CARD6: variants seen among roughly 807,000 people sequenced by gnomAD.
CARD6 encodes the protein caspase recruitment domain family member 6, also known as caspase recruitment domain-containing protein 6.
A neutral mutation model predicts 23.6 loss-of-function variants in CARD6; 27 were observed. The ratio of observed to expected loss-of-function variants is 1.14; its 90% confidence interval spans 0.84 to 1.58. CARD6 has a LOEUF of 1.58. Among genes scored for constraint, CARD6 ranks in the 40% most tolerant of loss-of-function variants. The pLI is 0.00. For missense variants in CARD6, 1,214 were observed against 1,209.9 expected, an observed-to-expected ratio of 1.00 and a Z score of -0.05; for synonymous variants, 397 against 431.8, an observed-to-expected ratio of 0.92 and a Z score of 1.00.
Position 40,854,293 on chromosome 5 carries a change from CA to C in CARD6, c.2964del (p.Lys988AsnfsTer96). 6.2e-7 allele frequency: 1 copy of C among 1,614,150 alleles called. No homozygotes were observed. On this transcript the variant is annotated frameshift_variant, in exon 3 of 3. Coordinates refer to ENST00000254691, the MANE Select transcript of CARD6 (RefSeq NM_032587.4). LOFTEE classifies it low-confidence loss of function (END_TRUNC). The part of the protein sequence containing the change: ...QPSQTKPSPC[K>X]STQPKPSQPW... ...CCTCCCAAACTAAACCTTCTCCATG[CA>C]AATCTACTCAGCCTAAGCCAAGCCA...
chr5:40,847,913 TTCTTC>T (rs1745991757), intron 2 of CARD6, among the ~76,000 whole-genome samples: 1 of 102,864 alleles, frequency 9.7e-6, no homozygotes, highest in African/African-American at 3.0e-5. Flanking sequence ...TCTTTCTCAC[TTCTTC>T]TCTTCTCTCT....
At position 40,853,294 on chromosome 5, in the gene CARD6, G is replaced by T; in HGVS notation, c.1962G>T (p.Gly654=). ...TGGCCGCCCTGGCCAGGGAGCTGGGGATTCAGGTAGATGAAGACTTTGAAA... is the reference window on the plus strand; with the variant it reads ...TGGCCGCCCTGGCCAGGGAGCTGGGTATTCAGGTAGATGAAGACTTTGAAA... ...EDMAALAREL[G]IQVDEDFENT... Residue 654 remains glycine, a synonymous_variant, in exon 3 of 3, where the codon GGG becomes GGT. Transcript: ENST00000254691. The T allele has an allele frequency of 6.2e-7, 1 of 1,614,194 alleles. No homozygotes were observed. The highest frequency in any genetic ancestry group is 1.1e-5 in the South Asian group (1 of 91,086).
chr5:40,844,287 G>C (rs1219460946), intron 2 of CARD6, among the ~76,000 whole-genome samples: 1 of 152,162 alleles, frequency 6.6e-6, no homozygotes, highest in African/African-American at 2.4e-5. Context: ...AGGCTGGAGT[G>C]CAGTGGCACA....
chr5:40,854,477 T>C lies in CARD6; in HGVS notation c.*31T>C, dbSNP rs772309455. The C allele has an allele frequency of 7.7e-6, 12 of 1,549,716 alleles. No individual in the cohort carries two copies. The highest frequency in any genetic ancestry group is 8.9e-6 in the Non-Finnish European group (10 of 1,126,858). On this transcript the variant is annotated 3_prime_UTR_variant, in exon 3 of 3. Transcript: ENST00000254691. ...TAACTCCAGAGATCTATAAAGCATA[T>C]CCTTTACCCAGGCCATTCCTATCAT...
chr5:40,841,744 T>C, intron 1 of CARD6, 79 bp downstream of exon 1: 1 of 1,218,294 alleles, frequency 8.2e-7, no homozygotes, highest in Non-Finnish European at 1.1e-6. Context: ...TGAAAGAAAA[T>C]TGTTGCCTTT....
intron 2 of CARD6, among the ~76,000 whole-genome samples, chr5:40,846,373 G>GC (rs1745967643): frequency 6.6e-6 from 1 of 152,026 alleles, no homozygotes. Flanking sequence ...AGGTGGAGGG[G>GC]GGGAGACAGA....
intron 2 of CARD6, among the ~76,000 whole-genome samples, chr5:40,847,511 T>C (rs1745986287): frequency 1.3e-5 from 2 of 152,220 alleles, no homozygotes; most frequent in Non-Finnish European, 2.9e-5. Flanking sequence ...ATTTTTTCTC[T>C]TAGTACAAGT....
chr5:40,848,115 T>C (rs1227804829), intron 2 of CARD6, among the ~76,000 whole-genome samples: 1 of 152,142 alleles, frequency 6.6e-6, no homozygotes, highest in Non-Finnish European at 1.5e-5. Flanking sequence ...TATATTGTGA[T>C]TTTTAATTCC....
chr5:40,848,350 G>C (rs1382696557), intron 2 of CARD6, among the ~76,000 whole-genome samples: 1 of 151,716 alleles, frequency 6.6e-6, no homozygotes, highest in African/African-American at 2.4e-5. Context: ...CAAGTAGCTA[G>C]GGCTACAGGC....
rs1299460812 is a variant in CARD6 at position 40,843,750 on chromosome 5, A to T, written c.841+41A>T. On this transcript the variant is annotated intron_variant, in intron 2 of 2. Transcript: ENST00000254691. ...GTATAGTTAGTTAGGCAACAACTTA[A>T]TAAGTTAATAAGCTTGCCATGACAT... 2.3e-6 allele frequency: 3 copies of T among 1,328,258 alleles called. No homozygotes were observed. The South Asian group carries it at 5.0e-5, about 22-fold the overall frequency. 82.3% of individuals were successfully genotyped at this position (1,328,258 alleles called of 1,614,324 possible). A position where few individuals can be genotyped will look rare whatever the true frequency, so the allele number is the denominator to read the frequency against.
In CARD6 at chr5:40,843,348, G is replaced by A. The variant is rs377321472; in HGVS notation, c.480G>A (p.Leu160=). The A allele has an allele frequency of 1.6e-5, 26 of 1,614,142 alleles. No homozygotes were observed. In the African/African-American group the frequency reaches 2.5e-4, roughly 16 times the overall value. ...DKKTSYRETA[L]SARKNEKEYD... The stretch of plus-strand genomic sequence containing the variant: ...AAACTAGTTATAGGGAAACAGCTTT[G>A]TCTGCCAGGAAGAATGAGAAGGAAT... The change falls in exon 2 of 3, where the codon TTG becomes TTA. Residue 160 remains leucine, a synonymous_variant. Coordinates refer to ENST00000254691, the MANE Select transcript of CARD6 (RefSeq NM_032587.4).
intron 2 of CARD6, among the ~76,000 whole-genome samples, chr5:40,848,634 A>G (rs1262970983): frequency 2.6e-5 from 4 of 152,116 alleles, no homozygotes; most frequent in Non-Finnish European, 5.9e-5. Context: ...TGTTCTATCC[A>G]TTGTATATAA....
At chr5:40,846,019 T>G (rs927212338) in intron 2 of CARD6, among the ~76,000 whole-genome samples, 5 of 150,672 alleles carry the variant, frequency 3.3e-5, no homozygotes, top group Non-Finnish European at 7.4e-5. Context: ...GTATATTCTT[T>G]TTTTTTTTTT....
intron 2 of CARD6, among the ~76,000 whole-genome samples, chr5:40,846,567 A>C (rs1026974669): frequency 2.0e-5 from 3 of 152,108 alleles, no homozygotes; most frequent in South Asian, 4.2e-4. Context: ...CAGGAGGGTC[A>C]TGCTCCCTCT....
Position 40,854,144 on chromosome 5 carries a change from A to C in CARD6, c.2812A>C (p.Lys938Gln). 1 of 1,614,160 alleles carries C rather than the reference A, an allele frequency of 6.2e-7. No individual in the cohort carries two copies. Among genetic ancestry groups the C allele is most frequent in the Non-Finnish European group, 8.5e-7 (1 of 1,180,026 alleles). Residue 938 changes from lysine (K) to glutamine (Q), a missense_variant, in exon 3 of 3, where the codon AAG (lysine) becomes CAG (glutamine). Coordinates refer to ENST00000254691, the MANE Select transcript of CARD6 (RefSeq NM_032587.4). ...CCAAATAGGGTCCCATCCCATGTGC[A>C]AGAGCTCTCAGTTCAAATCCGATCA... ...ALQIGSHPMC[K>Q]SSQFKSDQSN...
At chr5:40,841,883 T>C (rs1042045206) in intron 1 of CARD6, among the ~76,000 whole-genome samples, 1 of 152,242 alleles carries the variant, frequency 6.6e-6, no homozygotes, top group Non-Finnish European at 1.5e-5. Context: ...TTTTTCAGAC[T>C]GTACTCAAAA....
In CARD6 at chr5:40,853,832, C is replaced by G. The variant is rs760950270; in HGVS notation, c.2500C>G (p.Gln834Glu). Residue 834 changes from glutamine to glutamate, a missense_variant, in exon 3 of 3, where the codon CAA becomes GAA. By Grantham distance (29) the Gln-to-Glu change is conservative (BLOSUM62 2). Coordinates refer to ENST00000254691, the MANE Select transcript of CARD6 (RefSeq NM_032587.4). ...QHVQACPERP[Q>E]MMGTLERSRA... ...TGTACAGGCCTGCCCTGAGAGACCA[C>G]AAATGATGGGAACTCTTGAAAGGTC... is the stretch of plus-strand genomic sequence containing the variant. 6.2e-7 allele frequency: 1 copy of G among 1,614,170 alleles called. No individual in the cohort carries two copies. The highest frequency in any genetic ancestry group is 1.1e-5 in the South Asian group (1 of 91,084).
intron 2 of CARD6, among the ~76,000 whole-genome samples, chr5:40,845,909 G>C (rs74866585): frequency 1.3e-5 from 2 of 152,214 alleles, no homozygotes; most frequent in African/African-American, 4.8e-5. Context: ...AGTTCTGCTG[G>C]TCTTCCCTGG....
chr5:40,846,114 G>A (rs1745962569), intron 2 of CARD6, among the ~76,000 whole-genome samples: 1 of 151,664 alleles, frequency 6.6e-6, no homozygotes, highest in South Asian at 2.1e-4. Flanking sequence ...CTGGGTTCAA[G>A]CGATTCTCCT....
Sources: allele counts gnomAD v4.1 joint callset (sites outside exome capture counted in the v4.1 genomes callset), GRCh38; gene constraint gnomAD v4.1.1; transcripts MANE v1.5; gene names NCBI Gene and HGNC (gene_info 2026-07-23, HGNC 2026-07-21).